Variants in LRMDA observed in about 807,000 individuals in gnomAD.
The protein encoded by LRMDA is leucine-rich melanocyte differentiation-associated protein.
LRMDA carries 18 observed loss-of-function variants against 29.8 expected under a neutral mutation model. The ratio of observed to expected loss-of-function variants is 0.60; its 90% confidence interval spans 0.42 to 0.90. The LOEUF (loss-of-function observed/expected upper bound fraction) is 0.90, where lower values mean the gene tolerates loss of function less well. LRMDA is among the 40% of genes least tolerant of loss of function. The pLI, the probability that LRMDA is intolerant of heterozygous loss-of-function variation, is 0.00. For synonymous variants in LRMDA, 125 were observed against 109.4 expected (o/e 1.14, Z -0.89); for missense variants, 273 against 273.9 (o/e 1.00, Z 0.02).
At chr10:75,955,620 T>C (rs550973598) in intron 2 of LRMDA, among the ~76,000 whole-genome samples, 11 of 152,376 alleles carry the variant, frequency 7.2e-5, no homozygotes, top group South Asian at 4.1e-4. Context: ...TCTCTATTTC[T>C]GCATTAATGT....
chr10:75,456,256 A>G (rs1280872277), intron 2 of LRMDA, among the ~76,000 whole-genome samples: 3 of 152,248 alleles, frequency 2.0e-5, no homozygotes, highest in Admixed American at 6.5e-5. Flanking sequence ...TTACGCTGTT[A>G]GAAGGGTCAC....
intron 6 of LRMDA, among the ~76,000 whole-genome samples, chr10:76,468,306 A>C (rs190156920): frequency 9.4e-4 from 143 of 152,318 alleles, no homozygotes; most frequent in Admixed American, 4.2e-3. Flanking sequence ...TTTCTTCAGG[A>C]ATTTAATTTC....
chr10:75,899,137 A>C (rs1845630762), intron 2 of LRMDA, among the ~76,000 whole-genome samples: 1 of 152,228 alleles, frequency 6.6e-6, no homozygotes, highest in Admixed American at 6.5e-5. Flanking sequence ...ATTCAAATGC[A>C]GAGAAGACTA....
intron 2 of LRMDA, among the ~76,000 whole-genome samples, chr10:75,897,661 G>A (rs1469999481): frequency 6.6e-6 from 1 of 152,110 alleles, no homozygotes; most frequent in Non-Finnish European, 1.5e-5. Context: ...TAGTTCACTT[G>A]AGGCAGAGTA....
intron 2 of LRMDA, among the ~76,000 whole-genome samples, chr10:75,954,377 A>C (rs547954521): frequency 7.9e-5 from 12 of 152,330 alleles, no homozygotes; most frequent in Non-Finnish European, 5.9e-5. Flanking sequence ...ATGCAGCCCC[A>C]AAAGAAGGGA....
intron 2 of LRMDA, among the ~76,000 whole-genome samples, chr10:75,944,260 G>C (rs998352377): frequency 8.6e-5 from 13 of 152,028 alleles, no homozygotes; most frequent in African/African-American, 3.1e-4. Flanking sequence ...TGTTTCTTAT[G>C]GGAAGTCAAT....
Position 76,376,861 on chromosome 10 carries a change from AAG to A in LRMDA, c.601+52377_601+52378del, listed in dbSNP as rs1841525585. Reference sequence around the variant, plus strand: ...TTTCAAATGTTTGTTGGGCACTTGGAAGTCTTTTTTTTTTTTTTTTTTTTTTT... The same window carrying A: ...TTTCAAATGTTTGTTGGGCACTTGGATCTTTTTTTTTTTTTTTTTTTTTTT... On this transcript the variant is annotated intron_variant, in intron 6 of 6. Transcript: ENST00000611255. Among the ~76,000 whole-genome samples, 7 of 21,416 alleles carry A rather than the reference AAG, an allele frequency of 3.3e-4. 3 individuals carry two copies. The highest frequency in any genetic ancestry group is 4.5e-4 in the African/African-American group (3 of 6,642). 14.0% of individuals were successfully genotyped at this position (21,416 alleles called of 152,430 possible).
At chr10:75,745,466 A>G (rs1842880574) in intron 2 of LRMDA, among the ~76,000 whole-genome samples, 1 of 152,190 alleles carries the variant, frequency 6.6e-6, no homozygotes, top group Non-Finnish European at 1.5e-5. Context: ...TGTGTCCTAT[A>G]TCTTCCCATT....
At chr10:75,783,034 A>G (rs1843412842) in intron 2 of LRMDA, 1 of 1,614,074 alleles carries the variant, frequency 6.2e-7, no homozygotes, top group Non-Finnish European at 8.5e-7. Context: ...TTAGCCAGAC[A>G]GGACCCTTAA....
intron 2 of LRMDA, among the ~76,000 whole-genome samples, chr10:75,870,805 T>C (rs1236117651): frequency 6.6e-6 from 1 of 152,180 alleles, no homozygotes; most frequent in Admixed American, 6.5e-5. Flanking sequence ...TTGTGATATT[T>C]ACCCCTGTCT....
At chr10:75,599,179 CAG>C (rs1840848116) in intron 2 of LRMDA, among the ~76,000 whole-genome samples, 1 of 152,122 alleles carries the variant, frequency 6.6e-6, no homozygotes, top group Non-Finnish European at 1.5e-5. Context: ...AAAAAGTCTG[CAG>C]AGAGTCTCCT....
At chr10:75,735,264 TCTAC>T (rs2132203521) in intron 2 of LRMDA, among the ~76,000 whole-genome samples, 1 of 152,330 alleles carries the variant, frequency 6.6e-6, no homozygotes, top group South Asian at 2.1e-4. Context: ...ATGGCATTAA[TCTAC>T]CAATGTTATA....
intron 5 of LRMDA, among the ~76,000 whole-genome samples, chr10:76,279,539 CTTT>C (rs759651873): frequency 2.9e-3 from 276 of 93,798 alleles, no homozygotes; most frequent in African/African-American, 0.011. Flanking sequence ...ACAAATGCTT[CTTT>C]TTTTTTTTTT....
At chr10:75,587,808 G>A (rs2132081582) in intron 2 of LRMDA, among the ~76,000 whole-genome samples, 1 of 152,322 alleles carries the variant, frequency 6.6e-6, no homozygotes, top group African/African-American at 2.4e-5. Context: ...TCAGTAGAGT[G>A]CCTGTCGATC....
intron 6 of LRMDA, among the ~76,000 whole-genome samples, chr10:76,427,728 T>A (rs1167234680): frequency 6.6e-6 from 1 of 152,224 alleles, no homozygotes; most frequent in Non-Finnish European, 1.5e-5. Flanking sequence ...CAGTATGATA[T>A]TGGCTGTGGG....
At chr10:75,648,307 C>T (rs1841553773) in intron 2 of LRMDA, among the ~76,000 whole-genome samples, 1 of 152,088 alleles carries the variant, frequency 6.6e-6, no homozygotes, top group African/African-American at 2.4e-5. Flanking sequence ...ATGCTTCTCA[C>T]CCTGCCACAC....
chr10:76,331,397 G>T (rs1457802720), intron 6 of LRMDA, among the ~76,000 whole-genome samples: 1 of 152,150 alleles, frequency 6.6e-6, no homozygotes, highest in African/African-American at 2.4e-5. Context: ...ATTGCCTTCT[G>T]CCTTCCAGAA....
chr10:75,642,525 C>T (rs1279134465), intron 2 of LRMDA: 1 of 152,112 alleles, frequency 6.6e-6, no homozygotes, highest in Non-Finnish European at 1.5e-5. Flanking sequence ...TTGGATCCCC[C>T]AAATACCCAA....
At chr10:76,159,692 A>G (rs190524627) in intron 5 of LRMDA, among the ~76,000 whole-genome samples, 1 of 152,306 alleles carries the variant, frequency 6.6e-6, no homozygotes, top group African/African-American at 2.4e-5. Context: ...ATGGAATGCT[A>G]TTCAACACTA....
Sources: allele counts gnomAD v4.1 joint callset (sites outside exome capture counted in the v4.1 genomes callset), GRCh38; gene constraint gnomAD v4.1.1; transcripts MANE v1.5; gene names NCBI Gene and HGNC (gene_info 2026-07-23, HGNC 2026-07-21).